BRIP1: variants seen among roughly 807,000 people sequenced by gnomAD.
BRIP1 encodes BRCA1 interacting DNA helicase 1, also known as Fanconi anemia group J protein.
BRIP1 carries 88 observed loss-of-function variants against 119.7 expected under a neutral mutation model. That is an observed-to-expected ratio of 0.74 (90% CI 0.62 to 0.88). BRIP1 has a LOEUF of 0.88. BRIP1 is among the 40% of genes least tolerant of loss of function. The probability of loss-of-function intolerance (pLI) is 0.00; values close to 1 mark genes in which losing one functional copy is unlikely to be tolerated. For missense variants in BRIP1, 1,259 were observed against 1,455.4 expected (o/e 0.87, Z 2.20); for synonymous variants, 443 against 496.5 (o/e 0.89, Z 1.43).
intron 6 of BRIP1, among the ~76,000 whole-genome samples, chr17:61,812,344 G>A (rs886308219): frequency 6.6e-6 from 1 of 152,056 alleles, no homozygotes; most frequent in Non-Finnish European, 1.5e-5. Flanking sequence ...AATTGACAGA[G>A]ATTTCCTTTT....
Position 61,860,367 on chromosome 17 carries a change from C to T in BRIP1, c.94-460G>A, listed in dbSNP as rs1171635574. Among the ~76,000 whole-genome samples the T allele has an allele frequency of 1.3e-5, 2 of 152,184 alleles. No individual in the cohort carries two copies. The highest frequency in any genetic ancestry group is 2.9e-5 in the Non-Finnish European group (2 of 68,032). ...CCTTTCCCACATGAACACAAGGAAA[C>T]ATGCATAAGAAAGTTCACAGCAGCA... On this transcript the variant is annotated intron_variant, in intron 2 of 19. Coordinates refer to ENST00000259008, the MANE Select transcript of BRIP1 (RefSeq NM_032043.3). The surrounding 1 kb of genome is among the most constrained non-coding windows in gnomAD (Gnocchi z 4.1).
Position 61,807,885 on chromosome 17 carries a change from A to G in BRIP1, c.918+582T>C, listed in dbSNP as rs971484642. Among the ~76,000 whole-genome samples the G allele has an allele frequency of 6.6e-6, 1 of 152,124 alleles. No homozygotes were observed. The highest frequency in any genetic ancestry group is 6.6e-5 in the Admixed American group (1 of 15,258). On this transcript the variant is annotated intron_variant, in intron 7 of 19. Transcript: ENST00000259008. The surrounding 1 kb of genome is among the most constrained non-coding windows in gnomAD (Gnocchi z 4.5). ...AAGAAAGAATTCTCTATTTCCACCA[A>G]GCCCAAATTCATATTATTCTAATTT...
intron 14 of BRIP1, among the ~76,000 whole-genome samples, chr17:61,771,854 C>T (rs2077452994): frequency 6.6e-6 from 1 of 151,762 alleles, no homozygotes; most frequent in Non-Finnish European, 1.5e-5. Context: ...CCCAGCTACT[C>T]GGGAGGCTAA....
At chr17:61,819,355 T>G (rs2078286466) in intron 6 of BRIP1, among the ~76,000 whole-genome samples, 1 of 152,186 alleles carries the variant, frequency 6.6e-6, no homozygotes, top group South Asian at 2.1e-4. Flanking sequence ...AATTACCATA[T>G]GATCCAGCAA....
rs1049672895 is a variant in BRIP1 at position 61,722,584 on chromosome 17, T to A, written c.2380-6521A>T. Reference sequence around the variant, plus strand: ...TTAACAATATTTTCCTCAAAGAAAGTTGACATCTACTTTGTCAGACATAAT... The same window carrying A: ...TTAACAATATTTTCCTCAAAGAAAGATGACATCTACTTTGTCAGACATAAT... On this transcript the variant is annotated intron_variant, in intron 16 of 19. Transcript: ENST00000259008. The surrounding 1 kb of genome is among the most constrained non-coding windows in gnomAD (Gnocchi z 4.6). Among the ~76,000 whole-genome samples, 15 of 152,336 alleles carry A rather than the reference T, an allele frequency of 9.8e-5. No homozygotes were observed. The highest frequency in any genetic ancestry group is 3.6e-4 in the African/African-American group (15 of 41,572).
rs574552037 is a variant in BRIP1, at chr17:61,716,043, G to A, written c.2400C>T (p.Tyr800=). 192 of 1,601,702 alleles carry A rather than the reference G, an allele frequency of 1.2e-4. 1 individual carries two copies. In the South Asian group the frequency reaches 2.1e-3, roughly 17 times the overall value. The change falls in exon 17 of 20, where the codon TAC becomes TAT. Residue 800 remains tyrosine (Y), a synonymous_variant. Coordinates refer to ENST00000259008, the MANE Select transcript of BRIP1 (RefSeq NM_032043.3). ...CTCTCAATTTTGAATGGTGGTCATT[G>A]TATTGTCGTTTTAGTTCAACCTAAT... The part of the protein sequence containing the change: ...KDLQVELKRQ[Y]NDHHSKLRGL...
At chr17:61,723,136 C>T (rs971078832) in intron 16 of BRIP1, among the ~76,000 whole-genome samples, 3 of 152,112 alleles carry the variant, frequency 2.0e-5, no homozygotes, top group Non-Finnish European at 2.9e-5. Context: ...ATTTTAATGA[C>T]ATCAGAATCT....
chr17:61,793,475 A>T lies in BRIP1; in HGVS notation c.1473+122T>A, dbSNP rs577861423. 70 of 881,246 alleles carry T rather than the reference A, an allele frequency of 7.9e-5. 2 individuals are homozygous for T. In the African/African-American group the frequency reaches 8.2e-4, roughly 10 times the overall value. 54.6% of individuals were successfully genotyped at this position (881,246 alleles called of 1,614,324 possible). On this transcript the variant is annotated intron_variant, in intron 10 of 19. Transcript: ENST00000259008. The surrounding 1 kb of genome is among the most constrained non-coding windows in gnomAD (Gnocchi z 5.2). ...ATCAAATTTAGATAATAAAATTTTT[A>T]AAAAATTAAATTGCTATATTTAACA... is the stretch of plus-strand genomic sequence containing the variant.
At chr17:61,733,868 G>A (rs1357773005) in intron 16 of BRIP1, among the ~76,000 whole-genome samples, 2 of 151,864 alleles carry the variant, frequency 1.3e-5, no homozygotes, top group Non-Finnish European at 2.9e-5. Context: ...ATCATTGTAA[G>A]GGCACTTCTG....
intron 6 of BRIP1, among the ~76,000 whole-genome samples, chr17:61,830,475 A>T (rs1308497616): frequency 1.3e-5 from 2 of 152,106 alleles, no homozygotes; most frequent in Non-Finnish European, 2.9e-5. Context: ...CAAATTATGA[A>T]TATCAGAAAT....
chr17:61,782,280 G>T (rs2077633628), intron 11 of BRIP1, among the ~76,000 whole-genome samples: 1 of 150,904 alleles, frequency 6.6e-6, no homozygotes, highest in African/African-American at 2.4e-5. Context: ...CAGCTACTCG[G>T]GAGGCTGAGG....
In BRIP1 at chr17:61,832,952, AT is replaced by A. The variant is rs146560322; in HGVS notation, c.627+14148del. ...CAACAACATACTCTTAAATGGCTCA[AT>A]AAAAAAAGATATTTGGATTGTACTT... On this transcript the variant is annotated intron_variant, in intron 6 of 19. Transcript: ENST00000259008. This position sits in a 1 kb window ranked among gnomAD's most constrained non-coding sequence, Gnocchi z 5.5. Among the ~76,000 whole-genome samples, 1,213 of 152,310 alleles carry A rather than the reference AT, an allele frequency of 8.0e-3. 10 individuals are homozygous for A. Among genetic ancestry groups the A allele is most frequent in the Non-Finnish European group, 0.014 (933 of 68,022 alleles).
In BRIP1 at chr17:61,720,018, T is replaced by C. The variant is rs779540437; in HGVS notation, c.2380-3955A>G. 1.3e-5 allele frequency among the ~76,000 whole-genome samples: 2 copies of C among 152,048 alleles called. No homozygotes were observed. Among genetic ancestry groups the C allele is most frequent in the South Asian group, 2.1e-4 (1 of 4,824 alleles). On this transcript the variant is annotated intron_variant, in intron 16 of 19. Transcript: ENST00000259008. The surrounding 1 kb of genome is among the most constrained non-coding windows in gnomAD (Gnocchi z 4.3). ...CAATTTTTTTCTTTTTTAATTTTTATAGAGATGGATTCTTGCTATGTTGCC... is the reference window on the plus strand; with the variant it reads ...CAATTTTTTTCTTTTTTAATTTTTACAGAGATGGATTCTTGCTATGTTGCC...
chr17:61,765,394 TATATATATATATATATATATATA>T lies in BRIP1; in HGVS notation c.2097+10984_2097+11006del, dbSNP rs1567798793. Among the ~76,000 whole-genome samples, 90 of 15,890 alleles carry T rather than the reference TATATATATATATATATATATATA, an allele frequency of 5.7e-3. 4 individuals are homozygous for T. The highest frequency in any genetic ancestry group is 0.01 in the Non-Finnish European group (75 of 7,304). 10.4% of individuals were successfully genotyped at this position (15,890 alleles called of 152,430 possible). A position where few individuals can be genotyped will look rare whatever the true frequency, so the allele number is the denominator to read the frequency against. On this transcript the variant is annotated intron_variant, in intron 14 of 19. Coordinates refer to ENST00000259008, the MANE Select transcript of BRIP1 (RefSeq NM_032043.3). Reference sequence around the variant, plus strand: ...TGTGTATATATTATATATATATATATATATATATATATATATATATATATATATATTTTTTTTTTTTTTTTTTT... The same window carrying T: ...TGTGTATATATTATATATATATATATTATATATTTTTTTTTTTTTTTTTTT...
At chr17:61,741,126 TA>T (rs899029014) in intron 16 of BRIP1, among the ~76,000 whole-genome samples, 4 of 152,236 alleles carry the variant, frequency 2.6e-5, no homozygotes, top group African/African-American at 9.6e-5. Flanking sequence ...GCATCTTTAC[TA>T]AGAATAGTTC....
chr17:61,847,838 T>C (rs2078757573), intron 5 of BRIP1, among the ~76,000 whole-genome samples: 1 of 152,184 alleles, frequency 6.6e-6, no homozygotes, highest in Admixed American at 6.5e-5. Flanking sequence ...GCATTTCTAT[T>C]GATAATCTCA....
rs1307751204 is a variant in BRIP1 at position 61,844,621 on chromosome 17, G to GA, written c.627+2479dup. On this transcript the variant is annotated intron_variant, in intron 6 of 19. Coordinates refer to ENST00000259008, the MANE Select transcript of BRIP1 (RefSeq NM_032043.3). The surrounding 1 kb of genome is among the most constrained non-coding windows in gnomAD (Gnocchi z 4.7). ...TAAAGCAAACAAAAACAATTCCCAA[G>GA]AAAAAAAAATCTTAATCACAGGTGA... Among the ~76,000 whole-genome samples, 7 of 151,512 alleles carry GA rather than the reference G, an allele frequency of 4.6e-5. No homozygotes were observed. The highest frequency in any genetic ancestry group is 1.2e-4 in the African/African-American group (5 of 41,326).
At position 61,722,113 on chromosome 17, in the gene BRIP1, C is replaced by T. The variant is rs1014674353; in HGVS notation, c.2380-6050G>A. Among the ~76,000 whole-genome samples, 4 of 150,704 alleles carry T rather than the reference C, an allele frequency of 2.7e-5. No homozygotes were observed. The highest frequency in any genetic ancestry group is 4.9e-5 in the African/African-American group (2 of 40,898). On this transcript the variant is annotated intron_variant, in intron 16 of 19. Transcript: ENST00000259008. The surrounding 1 kb of genome is among the most constrained non-coding windows in gnomAD (Gnocchi z 4.6). Reference sequence around the variant, plus strand: ...CTGGAGTACGGTGGCATGATCTCGGCTCACTGCAACTTCTGCCTCTTGGGT... The same window carrying T: ...CTGGAGTACGGTGGCATGATCTCGGTTCACTGCAACTTCTGCCTCTTGGGT...
Position 61,751,471 on chromosome 17 carries a change from A to C in BRIP1, c.2098-6880T>G, listed in dbSNP as rs1367092938. On this transcript the variant is annotated intron_variant, in intron 14 of 19. Coordinates refer to ENST00000259008, the MANE Select transcript of BRIP1 (RefSeq NM_032043.3). This position sits in a 1 kb window ranked among gnomAD's most constrained non-coding sequence, Gnocchi z 6.7. The stretch of plus-strand genomic sequence containing the variant: ...CTAAGTTGTACACTTAAAAATGCTT[A>C]AAAGGTAAATTTTATGTCATGTGTA... Among the ~76,000 whole-genome samples, 4 of 152,318 alleles carry C rather than the reference A, an allele frequency of 2.6e-5. No individual in the cohort carries two copies. Among genetic ancestry groups the C allele is most frequent in the Admixed American group, 1.3e-4 (2 of 15,302 alleles).
Sources: allele counts gnomAD v4.1 joint callset (sites outside exome capture counted in the v4.1 genomes callset), GRCh38; gene constraint gnomAD v4.1.1; non-coding constraint Gnocchi (gnomAD v3.1); transcripts MANE v1.5; gene names NCBI Gene and HGNC (gene_info 2026-07-23, HGNC 2026-07-21).